The following DGKG variants were observed in gnomAD, a reference collection of about 807,000 sequenced individuals.
The protein encoded by DGKG is DAG kinase gamma.
A neutral mutation model predicts 105.3 loss-of-function variants in DGKG; 78 were observed. That is an observed-to-expected ratio of 0.74 (90% CI 0.62 to 0.89). The LOEUF (loss-of-function observed/expected upper bound fraction) is 0.89. Ranked by LOEUF, DGKG falls within the 40% of genes least tolerant of loss-of-function variation. The pLI is 0.00. For missense variants in DGKG, 958 were observed against 1,020.1 expected, an observed-to-expected ratio of 0.94 and a Z score of 0.83; for synonymous variants, 346 against 367.1, an observed-to-expected ratio of 0.94 and a Z score of 0.66.
At position 186,188,379 on chromosome 3, in the gene DGKG, A is replaced by G. The variant is rs1717741909; in HGVS notation, c.1918T>C (p.Cys640Arg). 1 of 1,613,586 alleles carries G rather than the reference A, an allele frequency of 6.2e-7. No homozygotes were observed. Among genetic ancestry groups the G allele is most frequent in the African/African-American group, 1.3e-5 (1 of 74,838 alleles). Reference sequence around the variant, plus strand: ...CTCAGGTCCACCCCAACCCCATCACACTGGAGGACGGAGAGAAAAGGCCAT... The same window carrying G: ...CTCAGGTCCACCCCAACCCCATCACGCTGGAGGACGGAGAGAAAAGGCCAT... ...KKLHDHIELE[C>R]DGVGVDLSNI... The change falls in exon 22 of 25, where the codon TGT becomes CGT. Residue 640 changes from cysteine to arginine, a missense_variant and splice_region_variant. Coordinates refer to ENST00000265022, the MANE Select transcript of DGKG (RefSeq NM_001346.3).
chr3:186,301,951 G>C (rs897840621), intron 3 of DGKG, among the ~76,000 whole-genome samples: 1 of 152,046 alleles, frequency 6.6e-6, no homozygotes, highest in African/African-American at 2.4e-5. Context: ...TGTCCATGCT[G>C]ACCTCTGTGT....
At chr3:186,177,917 G>A (rs1438927018) in intron 22 of DGKG, among the ~76,000 whole-genome samples, 1 of 152,146 alleles carries the variant, frequency 6.6e-6, no homozygotes, top group Non-Finnish European at 1.5e-5. Flanking sequence ...ATATTCATAT[G>A]TTGAAGCCCT....
In DGKG at chr3:186,243,895, G is replaced by GTTTTTTTTTTTGTTTT. The variant is rs1720804603; in HGVS notation, c.1762-1328_1762-1327insAAAACAAAAAAAAAAA. Among the ~76,000 whole-genome samples the GTTTTTTTTTTTGTTTT allele has an allele frequency of 3.8e-4, 44 of 116,316 alleles. 2 individuals are homozygous for GTTTTTTTTTTTGTTTT. The highest frequency in any genetic ancestry group is 1.6e-3 in the African/African-American group (43 of 27,556). The allele number at this position is 116,316 out of a possible 152,430, so 76.3% of individuals were successfully genotyped here. A position where few individuals can be genotyped will look rare whatever the true frequency, so the allele number is the denominator to read the frequency against. On this transcript the variant is annotated intron_variant, in intron 19 of 24. Transcript: ENST00000265022. Reference sequence around the variant, plus strand: ...CTATTTCTTATATGAAAATTTCTGTGTTTTTTTTTTTTTTTTTTGAGATGG... The same window carrying GTTTTTTTTTTTGTTTT: ...CTATTTCTTATATGAAAATTTCTGTGTTTTTTTTTTTGTTTTTTTTTTTTTTTTTTTTTTGAGATGG...
Position 186,158,725 on chromosome 3 carries a change from A to G in DGKG, c.2277+2878T>C, listed in dbSNP as rs1716147915. 4 of 971,854 alleles carry G rather than the reference A, an allele frequency of 4.1e-6. No homozygotes were observed. The South Asian group carries it at 1.9e-4, about 46-fold the overall frequency. The allele number at this position is 971,854 out of a possible 1,614,324, so 60.2% of individuals were successfully genotyped here. ...AACAAATATTTTCAAGCTTCTCAATATCTGTCTGTCAATTCTATATCAACC... is the reference window on the plus strand; with the variant it reads ...AACAAATATTTTCAAGCTTCTCAATGTCTGTCTGTCAATTCTATATCAACC... On this transcript the variant is annotated intron_variant, in intron 24 of 24. Coordinates refer to ENST00000265022, the MANE Select transcript of DGKG (RefSeq NM_001346.3).
rs1056423888 is a variant in DGKG at position 186,327,938 on chromosome 3, T to C, written c.-248-7231A>G. On this transcript the variant is annotated intron_variant, in intron 1 of 24. Transcript: ENST00000265022. ...CCTTAGCTAGTTCCACAAGGTTCTT[T>C]ACCTGTGGTAATAACTCACCTCCCC... Among the ~76,000 whole-genome samples the C allele has an allele frequency of 9.8e-5, 15 of 152,300 alleles. No homozygotes were observed. In the South Asian group the frequency reaches 2.7e-3, roughly 27 times the overall value.
chr3:186,334,404 T>G (rs1438561050), intron 1 of DGKG, among the ~76,000 whole-genome samples: 2 of 152,158 alleles, frequency 1.3e-5, no homozygotes, highest in Non-Finnish European at 2.9e-5. Flanking sequence ...AGGGCTGAGT[T>G]TATGGAAGGC....
intron 24 of DGKG, among the ~76,000 whole-genome samples, chr3:186,157,794 C>T (rs1057283012): frequency 3.5e-4 from 53 of 152,162 alleles, no homozygotes; most frequent in Non-Finnish European, 7.6e-4. Flanking sequence ...ACCTCTGCCT[C>T]TGAGTTCAAG....
At chr3:186,296,865 A>G (rs971666224) in intron 5 of DGKG, among the ~76,000 whole-genome samples, 6 of 152,196 alleles carry the variant, frequency 3.9e-5, no homozygotes, top group Non-Finnish European at 7.4e-5. Context: ...ATATATCTTC[A>G]AGACCATTTG....
chr3:186,265,657 CTTTTTTT>C (rs68014632), intron 13 of DGKG, among the ~76,000 whole-genome samples: 5 of 77,376 alleles, frequency 6.5e-5, no homozygotes, highest in South Asian at 5.7e-4. Flanking sequence ...TTCTTCCTTT[CTTTTTTT>C]TTTTTTTTTT....
At chr3:186,234,492 A>G (rs1422475790) in intron 20 of DGKG, among the ~76,000 whole-genome samples, 1 of 152,266 alleles carries the variant, frequency 6.6e-6, no homozygotes, top group African/African-American at 2.4e-5. Context: ...GAAATCAATC[A>G]GTCAGTAAAT....
intron 24 of DGKG, among the ~76,000 whole-genome samples, chr3:186,154,196 C>G (rs990359561): frequency 1.3e-5 from 2 of 152,178 alleles, no homozygotes; most frequent in African/African-American, 4.8e-5. Context: ...CTCAAATAGT[C>G]TCTGCGATAT....
intron 3 of DGKG, among the ~76,000 whole-genome samples, chr3:186,303,772 G>T (rs111354151): frequency 6.6e-6 from 1 of 152,076 alleles, no homozygotes; most frequent in Non-Finnish European, 1.5e-5. Context: ...ATGGGCAAGC[G>T]CATGTTCATC....
intron 1 of DGKG, among the ~76,000 whole-genome samples, chr3:186,338,272 A>G (rs571984299): frequency 3.9e-5 from 6 of 152,282 alleles, no homozygotes; most frequent in South Asian, 2.1e-4. Flanking sequence ...GGAGAAACCT[A>G]TAGGCATTTG....
chr3:186,292,181 C>A (rs1281503489), intron 5 of DGKG, among the ~76,000 whole-genome samples: 3 of 152,184 alleles, frequency 2.0e-5, no homozygotes, highest in Admixed American at 2.0e-4. Context: ...GGCTCTTGGG[C>A]AGACCTGACT....
chr3:186,276,211 C>G (rs1029126752), intron 9 of DGKG, among the ~76,000 whole-genome samples: 10 of 152,070 alleles, frequency 6.6e-5, no homozygotes, highest in Non-Finnish European at 1.3e-4. Flanking sequence ...ATAGTACATC[C>G]GTCTGATGTA....
chr3:186,297,495 AAAG>A lies in DGKG; in HGVS notation c.311-15_311-13del, dbSNP rs765869280. ...CTGTATATTAGTATCTGAGGAAAAAAAAGAAGATTTAAAGACCAACCCAGGCCC... is the reference window on the plus strand; with the variant it reads ...CTGTATATTAGTATCTGAGGAAAAAAAAGATTTAAAGACCAACCCAGGCCC... On this transcript the variant is annotated splice_polypyrimidine_tract_variant and intron_variant, in intron 4 of 24. Coordinates refer to ENST00000265022, the MANE Select transcript of DGKG (RefSeq NM_001346.3). 2.4e-4 allele frequency: 378 copies of A among 1,602,414 alleles called. No individual in the cohort carries two copies. Among genetic ancestry groups the A allele is most frequent in the Middle Eastern group, 9.9e-4 (6 of 6,070 alleles).
rs1262902804 is a variant in DGKG at position 186,148,982 on chromosome 3, T to A, written c.*1108A>T. On this transcript the variant is annotated 3_prime_UTR_variant, in exon 25 of 25. Transcript: ENST00000265022. ...ATTTATATATATATATATATAAATA[T>A]ATAGGCTAAATATATATATATACAC... 2.6e-6 allele frequency: 2 copies of A among 765,960 alleles called. No individual in the cohort carries two copies. The highest frequency in any genetic ancestry group is 3.2e-6 in the Non-Finnish European group (2 of 632,382). 47.4% of individuals were successfully genotyped at this position (765,960 alleles called of 1,614,324 possible). A position where few individuals can be genotyped will look rare whatever the true frequency, so the allele number is the denominator to read the frequency against.
At position 186,284,814 on chromosome 3, in the gene DGKG, C is replaced by G. The variant is rs182651550; in HGVS notation, c.545-105G>C. On this transcript the variant is annotated intron_variant, in intron 6 of 24. Transcript: ENST00000265022. The surrounding 1 kb of genome is among the most constrained non-coding windows in gnomAD (Gnocchi z 4.0). ...TAGATTAGTTCTGTCACCACTGTGA[C>G]GAAGGTTATGGCAGCCAGCTCTCCC... is the stretch of plus-strand genomic sequence containing the variant. 2 of 923,814 alleles carry G rather than the reference C, an allele frequency of 2.2e-6. No homozygotes were observed. The highest frequency in any genetic ancestry group is 1.8e-6 in the Non-Finnish European group (1 of 571,134). 57.2% of individuals were successfully genotyped at this position (923,814 alleles called of 1,614,324 possible).
intron 20 of DGKG, among the ~76,000 whole-genome samples, chr3:186,230,146 T>C (rs371279080): frequency 2.0e-5 from 3 of 152,266 alleles, no homozygotes; most frequent in East Asian, 3.9e-4. Context: ...TAGTCCCAGC[T>C]ACTTGGGAGG....
Sources: gnomAD v4.1 joint callset for allele counts (sites outside exome capture counted in the v4.1 genomes callset) on GRCh38, gnomAD v4.1.1 for gene constraint, Gnocchi (gnomAD v3.1) non-coding constraint, MANE v1.5 for transcripts, NCBI Gene and HGNC (gene_info 2026-07-23, HGNC 2026-07-21) for gene names.